Variants in TENM3 observed in about 807,000 individuals in gnomAD.
The protein encoded by TENM3 is teneurin transmembrane protein 3.
In TENM3, 63 loss-of-function variants were observed where a neutral mutation model predicts 255.1. The observed-to-expected ratio is 0.25, with a 90% confidence interval of 0.20 to 0.30. The LOEUF (loss-of-function observed/expected upper bound fraction) is 0.30. Ranked by LOEUF, TENM3 falls within the 10% of genes least tolerant of loss-of-function variation. The pLI, the probability that TENM3 is intolerant of heterozygous loss-of-function variation, is 1.00. For missense variants in TENM3, 2,929 were observed against 3,461.1 expected (o/e 0.85, Z 3.86); for synonymous variants, 1,306 against 1,322.3 (o/e 0.99, Z 0.27).
chr4:182,604,560 A>G (rs1263538667), intron 4 of TENM3, among the ~76,000 whole-genome samples: 1 of 152,212 alleles, frequency 6.6e-6, no homozygotes, highest in African/African-American at 2.4e-5. Flanking sequence ...GAATTGGCCC[A>G]GTACAGCAGC....
chr4:182,679,115 G>A (rs1209558617), intron 7 of TENM3, among the ~76,000 whole-genome samples: 4 of 152,000 alleles, frequency 2.6e-5, no homozygotes, highest in Non-Finnish European at 1.5e-5. Context: ...TGTAGATGAT[G>A]GATTGATGGG....
chr4:182,454,698 T>G (rs1773731326), intron 3 of TENM3, among the ~76,000 whole-genome samples: 1 of 152,222 alleles, frequency 6.6e-6, no homozygotes, highest in Admixed American at 6.5e-5. Flanking sequence ...GATTTATAGT[T>G]TATATTTCTT....
intron 1 of TENM3, among the ~76,000 whole-genome samples, chr4:182,158,117 A>C (rs904933267): frequency 6.6e-6 from 1 of 152,334 alleles, no homozygotes; most frequent in East Asian, 1.9e-4. Context: ...TGTGAACTAA[A>C]GGGCACACGC....
chr4:182,217,009 C>CTTTTTTTT (rs3071526), intron 1 of TENM3, among the ~76,000 whole-genome samples: 29 of 67,530 alleles, frequency 4.3e-4, no homozygotes, highest in African/African-American at 5.5e-4. Flanking sequence ...CATTTTCTTT[C>CTTTTTTTT]TTTTTTTTTT....
the TENM3 span, among the ~76,000 whole-genome samples, chr4:181,891,929 T>C: frequency 1.3e-5 from 2 of 152,082 alleles, no homozygotes; most frequent in African/African-American, 4.8e-5. Context: ...TCCTCATGTA[T>C]TGGATTAGGT....
intron 3 of TENM3, among the ~76,000 whole-genome samples, chr4:182,469,636 C>A (rs1732925729): frequency 6.6e-6 from 1 of 151,800 alleles, no homozygotes; most frequent in African/African-American, 2.4e-5. Flanking sequence ...ATTGCTTGAA[C>A]CTGGGAGGCG....
intron 3 of TENM3, among the ~76,000 whole-genome samples, chr4:182,540,668 A>G (rs1164198132): frequency 6.6e-6 from 1 of 152,172 alleles, no homozygotes; most frequent in Non-Finnish European, 1.5e-5. Flanking sequence ...AGGCTGACAG[A>G]ATGGTGTCAG....
intron 3 of TENM3, among the ~76,000 whole-genome samples, chr4:182,565,988 C>T (rs1366303618): frequency 6.6e-6 from 1 of 152,138 alleles, no homozygotes; most frequent in Admixed American, 6.5e-5. Flanking sequence ...ACTTTGTCAC[C>T]ATTGTTATTG....
chr4:181,635,025 A>G, the TENM3 span, among the ~76,000 whole-genome samples: 3 of 152,154 alleles, frequency 2.0e-5, no homozygotes, highest in South Asian at 4.1e-4. Context: ...GACTTATATA[A>G]ATATTGTGAG....
At chr4:182,681,768 A>T in intron 10 of TENM3, 46 bp from the exon 11 acceptor site, 1 of 1,419,956 alleles carries the variant, frequency 7.0e-7, no homozygotes, top group Non-Finnish European at 9.7e-7. Flanking sequence ...TGCATGCACT[A>T]TGATATCTTC....
chr4:181,665,972 T>C, the TENM3 span, among the ~76,000 whole-genome samples: 1 of 152,166 alleles, frequency 6.6e-6, no homozygotes, highest in South Asian at 2.1e-4. Context: ...TCCACAGTAG[T>C]GAATAGTTCT....
At chr4:182,255,043 G>T (rs1288590597) in intron 1 of TENM3, among the ~76,000 whole-genome samples, 1 of 152,054 alleles carries the variant, frequency 6.6e-6, no homozygotes, top group Non-Finnish European at 1.5e-5. Context: ...TGGTACTTTC[G>T]GAAAATATCT....
chr4:182,724,712 A>G (rs1760027647), intron 13 of TENM3, among the ~76,000 whole-genome samples: 3 of 152,230 alleles, frequency 2.0e-5, no homozygotes, highest in Non-Finnish European at 4.4e-5. Flanking sequence ...GCCTAAGGGA[A>G]GACACTGGCA....
intron 13 of TENM3, among the ~76,000 whole-genome samples, chr4:182,726,646 C>T (rs989394929): frequency 5.9e-5 from 9 of 152,098 alleles, no homozygotes; most frequent in African/African-American, 1.9e-4. Flanking sequence ...TGGGGAAGGC[C>T]GGATACGCAA....
the TENM3 span, among the ~76,000 whole-genome samples, chr4:182,074,138 G>A: frequency 6.6e-6 from 1 of 152,166 alleles, no homozygotes; most frequent in Non-Finnish European, 1.5e-5. Flanking sequence ...TGGCTAAACT[G>A]CTTTACAAGG....
At chr4:182,773,983 C>G (rs1357429618) in intron 23 of TENM3, 3 of 183,388 alleles carry the variant, frequency 1.6e-5, no homozygotes, top group Non-Finnish European at 3.4e-5. Flanking sequence ...CATCTAAGTA[C>G]AGTAGTTTGA....
At chr4:182,375,836 G>T (rs1353853155) in intron 3 of TENM3, among the ~76,000 whole-genome samples, 1 of 152,150 alleles carries the variant, frequency 6.6e-6, no homozygotes, top group African/African-American at 2.4e-5. Flanking sequence ...GAGCCACCGC[G>T]CCCGGCTGGG....
the TENM3 span, among the ~76,000 whole-genome samples, chr4:182,019,630 G>A: frequency 2.6e-5 from 4 of 152,272 alleles, no homozygotes; most frequent in South Asian, 8.3e-4. Flanking sequence ...CCTTGACCTC[G>A]TTTCTCTTGG....
At chr4:181,964,787 C>A in the TENM3 span, among the ~76,000 whole-genome samples, 2 of 152,094 alleles carry the variant, frequency 1.3e-5, no homozygotes, top group South Asian at 4.2e-4. Flanking sequence ...GATACAGGGA[C>A]AAACATTTAC....
Sources: allele counts gnomAD v4.1 joint callset (sites outside exome capture counted in the v4.1 genomes callset), GRCh38; gene constraint gnomAD v4.1.1; transcripts MANE v1.5; gene names NCBI Gene and HGNC (gene_info 2026-07-23, HGNC 2026-07-21).